SLC2A7: variants seen among roughly 807,000 people sequenced by gnomAD.
SLC2A7 encodes the protein solute carrier family 2 member 7.
A neutral mutation model predicts 50.5 loss-of-function variants in SLC2A7; 50 were observed. That is an observed-to-expected ratio of 0.99 (90% CI 0.79 to 1.25). SLC2A7 has a LOEUF of 1.25. SLC2A7 is among the 50% of genes most tolerant of loss of function. SLC2A7 has a pLI of 0.00. For missense variants in SLC2A7, 683 were observed against 679.1 expected, an observed-to-expected ratio of 1.01 and a Z score of -0.06; for synonymous variants, 308 against 300.4, an observed-to-expected ratio of 1.03 and a Z score of -0.26.
Position 9,019,268 on chromosome 1 carries a change from T to C in SLC2A7, c.377A>G (p.Lys126Arg). ...IIPAILMGVS[K>R]VAKAFELIVF... Reference sequence around the variant, plus strand: ...GATCAGCTCAAAAGCCTTGGCCACTTTGCTGACTCCCATCAGGATGGCGGG... The same window carrying C: ...GATCAGCTCAAAAGCCTTGGCCACTCTGCTGACTCCCATCAGGATGGCGGG... The change falls in exon 4 of 12, where the codon AAA becomes AGA. Residue 126 changes from lysine to arginine, a missense_variant. Lys to Arg is a conservative substitution (Grantham distance 26). Coordinates refer to ENST00000400906, the MANE Select transcript of SLC2A7 (RefSeq NM_207420.3). The C allele has an allele frequency of 6.2e-7, 1 of 1,614,068 alleles. No individual in the cohort carries two copies. The highest frequency in any genetic ancestry group is 8.5e-7 in the Non-Finnish European group (1 of 1,179,964).
intron 10 of SLC2A7, among the ~76,000 whole-genome samples, chr1:9,006,150 G>A (rs1382080766): frequency 6.6e-6 from 1 of 152,190 alleles, no homozygotes; most frequent in Non-Finnish European, 1.5e-5. Flanking sequence ...GGGGCAGAAC[G>A]GCTTGGAACC....
chr1:9,011,746 C>CTTTTTTTTTTTTTT (rs34758810), intron 8 of SLC2A7, among the ~76,000 whole-genome samples: 3 of 93,230 alleles, frequency 3.2e-5, no homozygotes, highest in African/African-American at 4.6e-5. Context: ...TCTTCTTCTT[C>CTTTTTTTTTTTTTT]TTTTTTTTTT....
At chr1:9,010,915 GCAAA>G (rs1390547844) in intron 8 of SLC2A7, among the ~76,000 whole-genome samples, 1 of 152,202 alleles carries the variant, frequency 6.6e-6, no homozygotes, top group Non-Finnish European at 1.5e-5. Context: ...CCCACTGATA[GCAAA>G]CAAACCGCTG....
At chr1:9,010,370 T>C in intron 8 of SLC2A7, 126 bp from the exon 9 acceptor site, 3 of 749,112 alleles carry the variant, frequency 4.0e-6, no homozygotes, top group South Asian at 3.6e-5. Flanking sequence ...TTTCTTTCTT[T>C]TTTTTTAAAC....
the SLC2A7 span, among the ~76,000 whole-genome samples, chr1:8,994,137 C>T: frequency 6.6e-6 from 1 of 152,202 alleles, no homozygotes; most frequent in Non-Finnish European, 1.5e-5. Context: ...CTGTAAGCTG[C>T]CTAACCTGGC....
chr1:9,000,978 C>T (rs1368239192), downstream of SLC2A7, among the ~76,000 whole-genome samples: 1 of 152,100 alleles, frequency 6.6e-6, no homozygotes, highest in African/African-American at 2.4e-5. Flanking sequence ...AGAAGCCATT[C>T]CCACCGAGTC....
At position 9,019,218 on chromosome 1, in the gene SLC2A7, C is replaced by G. The variant is rs1162741255; in HGVS notation, c.427G>C (p.Val143Leu). The G allele has an allele frequency of 6.2e-7, 1 of 1,613,910 alleles. No individual in the cohort carries two copies. The highest frequency in any genetic ancestry group is 2.2e-5 in the East Asian group (1 of 44,888). The change falls in exon 4 of 12, where the codon GTC becomes CTC. Residue 143 changes from valine (V) to leucine (L), a missense_variant. Coordinates refer to ENST00000400906, the MANE Select transcript of SLC2A7 (RefSeq NM_207420.3). ...CCTGGGCCCCAGGTACCTGCACAGA[C>G]TCCCAGCACCACTCGGGAAAAGACG... ...LIVFSRVVLG[V>L]CAGISYSALP...
chr1:8,998,295 C>T (rs1252685710), downstream of SLC2A7, among the ~76,000 whole-genome samples: 1 of 152,112 alleles, frequency 6.6e-6, no homozygotes, highest in East Asian at 1.9e-4. Flanking sequence ...ATCCCAGTTA[C>T]TCAGGAGGCT....
chr1:9,015,703 T>C (rs1196978963), intron 5 of SLC2A7, among the ~76,000 whole-genome samples: 1 of 149,414 alleles, frequency 6.7e-6, no homozygotes, highest in Non-Finnish European at 1.5e-5. Context: ...CCTGCTGGTA[T>C]GGTGGGAAGT....
At chr1:9,017,682 A>G (rs11121298) in intron 5 of SLC2A7, among the ~76,000 whole-genome samples, 11,922 of 152,124 alleles carry the variant, frequency 0.078, 648 homozygotes, top group East Asian at 0.23. Context: ...CTATTAATCA[A>G]TCGGCTTCGT....
At chr1:9,002,606 C>CCAAGCAGTA (rs1432469367), downstream of SLC2A7, among the ~76,000 whole-genome samples, 1 of 152,208 alleles carries the variant, frequency 6.6e-6, no homozygotes, top group African/African-American at 2.4e-5. Context: ...ATCCCCCTCA[C>CCAAGCAGTA]CAAGACAGTA....
chr1:9,021,185 T>C (rs570319893), intron 3 of SLC2A7, among the ~76,000 whole-genome samples: 81 of 152,320 alleles, frequency 5.3e-4, no homozygotes, highest in African/African-American at 1.9e-3. Flanking sequence ...AATTTTTGTA[T>C]TTTTAGTAGA....
In SLC2A7 at chr1:9,024,143, C is replaced by T. The variant is rs190215573; in HGVS notation, c.150+833G>A. Among the ~76,000 whole-genome samples the T allele has an allele frequency of 9.6e-4, 146 of 152,148 alleles. No individual in the cohort carries two copies. In the East Asian group the frequency reaches 0.011, roughly 11 times the overall value. On this transcript the variant is annotated intron_variant, in intron 2 of 11. Coordinates refer to ENST00000400906, the MANE Select transcript of SLC2A7 (RefSeq NM_207420.3). ...CCTCCCAAAGTGCTGGGATTGCAGG[C>T]GTGAGCCACCGCTCCCAGCCCAGGA...
downstream of SLC2A7, among the ~76,000 whole-genome samples, chr1:9,002,220 G>A (rs574429459): frequency 1.2e-4 from 18 of 152,282 alleles, no homozygotes; most frequent in Non-Finnish European, 1.9e-4. Context: ...AGACCTGACC[G>A]TCCCCCAGCC....
chr1:9,007,536 A>G (rs928147257), intron 9 of SLC2A7, 151 bp from the exon 10 acceptor site: 5 of 687,468 alleles, frequency 7.3e-6, no homozygotes, highest in Admixed American at 2.6e-5. Flanking sequence ...TGGGCAAGAG[A>G]GGAAGGCCAG....
intron 9 of SLC2A7, 30 bp from the exon 10 acceptor site, chr1:9,007,415 G>A: frequency 6.2e-7 from 1 of 1,611,252 alleles, no homozygotes; most frequent in Non-Finnish European, 8.5e-7. Flanking sequence ...TGTCTGGGCT[G>A]AGGCCAGGAG....
chr1:9,003,154 G>T lies in SLC2A7; in HGVS notation c.*146C>A. On this transcript the variant is annotated 3_prime_UTR_variant, in exon 12 of 12. Transcript: ENST00000400906. ...TCTCAGCTAAATATGCATTGTTGTG[G>T]GTATTTAATAATATCCATAATTAAG... 1.5e-6 allele frequency: 1 copy of T among 678,692 alleles called. No individual in the cohort carries two copies. The highest frequency in any genetic ancestry group is 2.5e-6 in the Non-Finnish European group (1 of 403,012). 42.0% of individuals were successfully genotyped at this position (678,692 alleles called of 1,614,324 possible). A position where few individuals can be genotyped will look rare whatever the true frequency, so the allele number is the denominator to read the frequency against.
intron 2 of SLC2A7, among the ~76,000 whole-genome samples, chr1:9,023,960 A>T (rs1013246938): frequency 7.0e-5 from 10 of 141,952 alleles, no homozygotes; most frequent in African/African-American, 2.6e-4. Flanking sequence ...GGTTCAAGTG[A>T]TTCTCCTGTC....
chr1:9,024,829 A>C, intron 2 of SLC2A7, 147 bp downstream of exon 2: 3 of 797,804 alleles, frequency 3.8e-6, no homozygotes, highest in Non-Finnish European at 6.1e-6. Context: ...CATCCAGGGT[A>C]CTAGGGCAAG....
Sources: allele counts gnomAD v4.1 joint callset (sites outside exome capture counted in the v4.1 genomes callset), GRCh38; gene constraint gnomAD v4.1.1; transcripts MANE v1.5; gene names NCBI Gene and HGNC (gene_info 2026-07-23, HGNC 2026-07-21).